The following SEMA5A variants were observed in gnomAD, a reference collection of about 807,000 sequenced individuals.
SEMA5A encodes the protein semaphorin-5A.
Under a neutral mutation model 135.5 loss-of-function variants are expected in SEMA5A, and 55 were observed. The observed-to-expected ratio is 0.41, with a 90% confidence interval of 0.33 to 0.51. The LOEUF is 0.51. Ranked by LOEUF, SEMA5A falls within the 20% of genes least tolerant of loss-of-function variation. The probability of loss-of-function intolerance (pLI) is 0.37; values close to 1 mark genes in which losing one functional copy is unlikely to be tolerated. For synonymous variants in SEMA5A, 580 were observed against 546.5 expected, an observed-to-expected ratio of 1.06 and a Z score of -0.85; for missense variants, 1,290 against 1,419.9, an observed-to-expected ratio of 0.91 and a Z score of 1.47.
rs149060260 is a variant in SEMA5A, at chr5:9,113,193, T to G, written c.1926-4906A>C. Among the ~76,000 whole-genome samples the G allele has an allele frequency of 2.6e-5, 4 of 152,312 alleles. No individual in the cohort carries two copies. In the South Asian group the frequency reaches 8.3e-4, roughly 32 times the overall value. ...ACCTGGTGCTTTAAATGCCTAAATC[T>G]GTGGTAATGTTATTATATAACAACT... On this transcript the variant is annotated intron_variant, in intron 15 of 22. Transcript: ENST00000382496.
rs1156357575 is a variant in SEMA5A, at chr5:9,035,878, A to G, written c.*7019T>C. 6 of 145,292 alleles carry G rather than the reference A, an allele frequency of 4.1e-5. No individual in the cohort carries two copies. The Admixed American group carries it at 4.4e-4, about 11-fold the overall frequency. The allele number at this position is 145,292 out of a possible 1,614,324, so 9.0% of individuals were successfully genotyped here. A position where few individuals can be genotyped will look rare whatever the true frequency, so the allele number is the denominator to read the frequency against. On this transcript the variant is annotated 3_prime_UTR_variant, in exon 23 of 23. Coordinates refer to ENST00000382496, the MANE Select transcript of SEMA5A (RefSeq NM_003966.3). The stretch of plus-strand genomic sequence containing the variant: ...AAAAGCTAAATTATAATTAAGATAC[A>G]TTGTCTTTTAAAATTAAATTTAAGA...
At chr5:9,530,641 T>G (rs1737387395) in intron 1 of SEMA5A, among the ~76,000 whole-genome samples, 1 of 152,202 alleles carries the variant, frequency 6.6e-6, no homozygotes, top group East Asian at 1.9e-4. Context: ...TAATTGCATT[T>G]GCCCACATCT....
rs1023096837 is a variant in SEMA5A at position 9,204,395 on chromosome 5, T to C, written c.647-2155A>G. Among the ~76,000 whole-genome samples the C allele has an allele frequency of 6.6e-6, 1 of 152,148 alleles. No individual in the cohort carries two copies. Among genetic ancestry groups the C allele is most frequent in the East Asian group, 1.9e-4 (1 of 5,202 alleles). On this transcript the variant is annotated intron_variant, in intron 8 of 22. Transcript: ENST00000382496. This position sits in a 1 kb window ranked among gnomAD's most constrained non-coding sequence, Gnocchi z 6.4. ...GGGGACAAATGGCATGAAAACCACA[T>C]AGTAAATAGCTCCAGTTTCTCAAAA...
At chr5:9,115,467 C>T (rs933794759) in intron 15 of SEMA5A, among the ~76,000 whole-genome samples, 9 of 152,212 alleles carry the variant, frequency 5.9e-5, no homozygotes, top group Non-Finnish European at 4.4e-5. Context: ...CCACCTACTG[C>T]CTTTTTGAAC....
intron 1 of SEMA5A, among the ~76,000 whole-genome samples, chr5:9,508,640 CG>C (rs1280307924): frequency 6.6e-6 from 1 of 152,150 alleles, no homozygotes; most frequent in Admixed American, 6.5e-5. Flanking sequence ...CTCCCTTCTG[CG>C]GGTGTCCAGA....
At chr5:9,200,399 A>G (rs1280392426) in intron 9 of SEMA5A, among the ~76,000 whole-genome samples, 5 of 152,218 alleles carry the variant, frequency 3.3e-5, no homozygotes, top group Non-Finnish European at 5.9e-5. Context: ...CAGGGGAATG[A>G]AGAGCTAAGT....
rs1205457329 is a variant in SEMA5A, at chr5:9,049,307, G to A, written c.2893+1103C>T. Among the ~76,000 whole-genome samples the A allele has an allele frequency of 7.9e-5, 12 of 152,240 alleles. 1 individual carries two copies. In the East Asian group the frequency reaches 2.1e-3, roughly 27 times the overall value. On this transcript the variant is annotated intron_variant, in intron 21 of 22. Transcript: ENST00000382496. ...CTCTCCACTAGCTGGGACTACAGGTGTGTGCCATCATGCCAGCTAATTTTT... is the reference window on the plus strand; with the variant it reads ...CTCTCCACTAGCTGGGACTACAGGTATGTGCCATCATGCCAGCTAATTTTT...
At chr5:9,332,739 T>G (rs772515747) in intron 4 of SEMA5A, among the ~76,000 whole-genome samples, 1 of 152,264 alleles carries the variant, frequency 6.6e-6, no homozygotes, top group Non-Finnish European at 1.5e-5. Context: ...AGAAGACTCA[T>G]GCATCTCTAG....
chr5:9,344,910 G>A (rs1467193502), intron 3 of SEMA5A, among the ~76,000 whole-genome samples: 1 of 152,156 alleles, frequency 6.6e-6, no homozygotes, highest in African/African-American at 2.4e-5. Flanking sequence ...TTGAGGGCAG[G>A]TGTGTTACAC....
At chr5:9,327,404 CT>C (rs1478945146) in intron 4 of SEMA5A, among the ~76,000 whole-genome samples, 1 of 152,130 alleles carries the variant, frequency 6.6e-6, no homozygotes, top group African/African-American at 2.4e-5. Context: ...ATCATATTAA[CT>C]TCTTTCATTC....
At chr5:9,192,543 G>A (rs999361002) in intron 10 of SEMA5A, among the ~76,000 whole-genome samples, 3 of 150,056 alleles carry the variant, frequency 2.0e-5, no homozygotes, top group Non-Finnish European at 3.0e-5. Flanking sequence ...AAGAAGGGAA[G>A]GAAACAATGA....
chr5:9,176,430 G>T (rs1361437732), intron 11 of SEMA5A, among the ~76,000 whole-genome samples: 1 of 152,208 alleles, frequency 6.6e-6, no homozygotes, highest in Admixed American at 6.5e-5. Flanking sequence ...AGCCCTAGCT[G>T]GCATCCTGAT....
chr5:9,502,588 C>T (rs1172951078), intron 1 of SEMA5A, among the ~76,000 whole-genome samples: 2 of 152,130 alleles, frequency 1.3e-5, no homozygotes, highest in Non-Finnish European at 2.9e-5. Context: ...TGGGCTTCCT[C>T]AAGTGTCAGC....
chr5:9,233,716 C>T (rs543160635), intron 6 of SEMA5A, among the ~76,000 whole-genome samples: 1 of 152,146 alleles, frequency 6.6e-6, no homozygotes, highest in South Asian at 2.1e-4. Flanking sequence ...ACAGACATCC[C>T]AGGGAAACAA....
At chr5:9,438,552 T>C (rs1356342809) in intron 1 of SEMA5A, among the ~76,000 whole-genome samples, 1 of 152,118 alleles carries the variant, frequency 6.6e-6, no homozygotes, top group Non-Finnish European at 1.5e-5. Flanking sequence ...AGGCTGAAAA[T>C]ATAGGTGACT....
intron 14 of SEMA5A, among the ~76,000 whole-genome samples, chr5:9,121,363 T>G (rs77754178): frequency 0.016 from 2,457 of 152,294 alleles, 33 homozygotes; most frequent in African/African-American, 0.041. Context: ...ACTTACGTTT[T>G]TAAAGCCTCA....
intron 1 of SEMA5A, among the ~76,000 whole-genome samples, chr5:9,530,246 GA>G (rs903728292): frequency 2.6e-5 from 4 of 151,020 alleles, no homozygotes; most frequent in African/African-American, 9.7e-5. Context: ...GTGTTAAAAA[GA>G]AAAAAAAATG....
chr5:9,100,775 T>G (rs1202429561), intron 16 of SEMA5A, among the ~76,000 whole-genome samples: 5 of 152,172 alleles, frequency 3.3e-5, no homozygotes, highest in Non-Finnish European at 5.9e-5. Context: ...GGATCCTACA[T>G]GTCTCGGAGG....
At chr5:9,187,670 C>T (rs552601488) in intron 11 of SEMA5A, among the ~76,000 whole-genome samples, 1 of 152,274 alleles carries the variant, frequency 6.6e-6, no homozygotes, top group South Asian at 2.1e-4. Context: ...TCTTGATGTA[C>T]ATGTACAACA....
Sources: allele counts gnomAD v4.1 joint callset (sites outside exome capture counted in the v4.1 genomes callset), GRCh38; gene constraint gnomAD v4.1.1; non-coding constraint Gnocchi (gnomAD v3.1); transcripts MANE v1.5; gene names NCBI Gene and HGNC (gene_info 2026-07-23, HGNC 2026-07-21).